TMEM53: variants seen among roughly 807,000 people sequenced by gnomAD.
TMEM53 encodes the protein novel DUF829 domain-containing protein.
Under a neutral mutation model 21.4 loss-of-function variants are expected in TMEM53, and 14 were observed. The observed-to-expected ratio is 0.65, with a 90% confidence interval of 0.43 to 1.02. The LOEUF is 1.02. TMEM53 is among the 50% of genes least tolerant of loss of function. The pLI is 0.00. For missense variants in TMEM53, 323 were observed against 383.6 expected (o/e 0.84, Z 1.32); for synonymous variants, 148 against 157.4 (o/e 0.94, Z 0.45).
At chr1:44,656,874 T>C (rs564762307) in intron 2 of TMEM53, among the ~76,000 whole-genome samples, 12 of 152,102 alleles carry the variant, frequency 7.9e-5, no homozygotes, top group Non-Finnish European at 1.3e-4. Flanking sequence ...TAGCCAGGCG[T>C]AGTGGCACAT....
At position 44,654,600 on chromosome 1, in the gene TMEM53, T is replaced by C; in HGVS notation, c.793A>G (p.Ser265Gly). Residue 265 changes from serine (S) to glycine (G), a missense_variant, in exon 3 of 3, where the codon AGC becomes GGC. By Grantham distance (56) the Ser-to-Gly change is moderately conservative. Coordinates refer to ENST00000372237, the MANE Select transcript of TMEM53 (RefSeq NM_024587.4). This position sits in a 1 kb window ranked among gnomAD's most constrained non-coding sequence, Gnocchi z 7.0. The part of the protein sequence containing the change: ...HLRDYPTYYT[S>G]LCVDFMRNCV... ...TTGCGCATGAAGTCGACACAGAGGC[T>C]TGTGTAGTAAGTAGGGTAGTCACGG... 1.2e-6 allele frequency: 2 copies of C among 1,612,732 alleles called. No individual in the cohort carries two copies. The highest frequency in any genetic ancestry group is 2.2e-5 in the East Asian group (1 of 44,830).
rs776237697 is a variant in TMEM53 at position 44,654,473 on chromosome 1, A to C, written c.*86T>G. On this transcript the variant is annotated 3_prime_UTR_variant, in exon 3 of 3. Transcript: ENST00000372237. The surrounding 1 kb of genome is among the most constrained non-coding windows in gnomAD (Gnocchi z 7.0). ...AGTCCCAAAGGGCTACAGGGAGTTG[A>C]ACGAGAAGAGTGCCCGACAGATTGC... is the stretch of plus-strand genomic sequence containing the variant. 5.4e-6 allele frequency: 8 copies of C among 1,493,772 alleles called. No individual in the cohort carries two copies. Among genetic ancestry groups the C allele is most frequent in the Non-Finnish European group, 7.3e-6 (8 of 1,102,232 alleles). 92.5% of individuals were successfully genotyped at this position (1,493,772 alleles called of 1,614,324 possible).
chr1:44,671,750 G>A (rs1282700003), intron 1 of TMEM53, among the ~76,000 whole-genome samples: 3 of 152,224 alleles, frequency 2.0e-5, no homozygotes, highest in African/African-American at 7.2e-5. Flanking sequence ...CCAATATGGT[G>A]AAACCTTGTC....
At chr1:44,673,852 C>G (rs1302798732) in intron 1 of TMEM53, 2 of 985,232 alleles carry the variant, frequency 2.0e-6, no homozygotes, top group Non-Finnish European at 2.4e-6. Context: ...TAACCACTGC[C>G]GAGAAGAGTG....
chr1:44,654,902 C>T lies in TMEM53; in HGVS notation c.491G>A (p.Arg164His), dbSNP rs1288659340. The T allele has an allele frequency of 7.4e-6, 12 of 1,612,504 alleles. No individual in the cohort carries two copies. Among genetic ancestry groups the T allele is most frequent in the African/African-American group, 6.7e-5 (5 of 75,038 alleles). The change falls in exon 3 of 3, where the codon CGC becomes CAC. Residue 164 changes from arginine (R) to histidine (H), a missense_variant. Physicochemically the swap from Arg to His is conservative, Grantham distance 29. This residue lies in a region of TMEM53 where 269 missense variants were observed against 334.5 expected (regional missense o/e 0.80). Coordinates refer to ENST00000372237, the MANE Select transcript of TMEM53 (RefSeq NM_024587.4). The surrounding 1 kb of genome is among the most constrained non-coding windows in gnomAD (Gnocchi z 7.0). The part of the protein sequence containing the change: ...ALRALAAILE[R>H]RAAMLRLLLL... ...CAACAGGCGCAGCATGGCGGCCCGG[C>T]GCTCCAGGATGGCTGCCAGGGCCCG...
intron 1 of TMEM53, among the ~76,000 whole-genome samples, chr1:44,670,803 T>C (rs7538419): frequency 0.55 from 83,764 of 152,152 alleles, 23,548 homozygotes; most frequent in Middle Eastern, 0.63. Context: ...GGCCCCAGAC[T>C]CATTAATTCT....
intron 1 of TMEM53, among the ~76,000 whole-genome samples, chr1:44,665,853 CAAACA>C (rs1644944612): frequency 6.6e-6 from 1 of 151,732 alleles, no homozygotes; most frequent in Non-Finnish European, 1.5e-5. Context: ...AAGGAACAAA[CAAACA>C]AAAGAGATAA....
chr1:44,654,369 T>G lies in TMEM53; in HGVS notation c.*190A>C. 3 of 634,886 alleles carry G rather than the reference T, an allele frequency of 4.7e-6. No individual in the cohort carries two copies. Among genetic ancestry groups the G allele is most frequent in the Admixed American group, 3.0e-5 (1 of 33,414 alleles). 39.3% of individuals were successfully genotyped at this position (634,886 alleles called of 1,614,324 possible). ...CCCAGGCACTCCTGCCCCTTAGGAT[T>G]CTGTGGTAAGCAGACCACCAGCAGA... On this transcript the variant is annotated 3_prime_UTR_variant, in exon 3 of 3. Coordinates refer to ENST00000372237, the MANE Select transcript of TMEM53 (RefSeq NM_024587.4). This position sits in a 1 kb window ranked among gnomAD's most constrained non-coding sequence, Gnocchi z 7.0.
intron 1 of TMEM53, among the ~76,000 whole-genome samples, chr1:44,667,273 C>T (rs562649268): frequency 6.6e-6 from 1 of 151,114 alleles, no homozygotes; most frequent in African/African-American, 2.4e-5. Context: ...ACAGAATACC[C>T]ATATACACAC....
rs1394264851 is a variant in TMEM53 at position 44,654,850 on chromosome 1, G to A, written c.543C>T (p.Val181=). The A allele has an allele frequency of 4.3e-6, 7 of 1,612,786 alleles. No individual in the cohort carries two copies. The highest frequency in any genetic ancestry group is 1.1e-5 in the South Asian group (1 of 91,072). The change falls in exon 3 of 3, where the codon GTC becomes GTT. Residue 181 remains valine, a synonymous_variant. Transcript: ENST00000372237. The surrounding 1 kb of genome is among the most constrained non-coding windows in gnomAD (Gnocchi z 7.0). The part of the protein sequence containing the change: ...LLLLVAFALV[V]VLFHVLLAPI... ...GAGCAAGCAGGACGTGGAACAGGAC[G>A]ACCACCAGGGCAAAGGCCACCAGCA...
At chr1:44,664,151 TAA>T (rs555498355) in intron 1 of TMEM53, among the ~76,000 whole-genome samples, 211 of 93,204 alleles carry the variant, frequency 2.3e-3, no homozygotes, top group South Asian at 0.014. Context: ...GACCTTATTA[TAA>T]AAAAAAAAAA....
At position 44,674,406 on chromosome 1, in the gene TMEM53, C is replaced by T. The variant is rs762367076; in HGVS notation, c.-15G>A. 8 of 1,607,492 alleles carry T rather than the reference C, an allele frequency of 5.0e-6. No homozygotes were observed. In the East Asian group the frequency reaches 9.0e-5, roughly 18 times the overall value. ...GCCGAGGCCATGGTGAAGGCGCCGGCCCAGAGCACGGGTCTCCAGCCGGAA... is the reference window on the plus strand; with the variant it reads ...GCCGAGGCCATGGTGAAGGCGCCGGTCCAGAGCACGGGTCTCCAGCCGGAA... On this transcript the variant is annotated 5_prime_UTR_variant, in exon 1 of 3. Transcript: ENST00000372237.
rs1644903434 is a variant in TMEM53 at position 44,661,631 on chromosome 1, C to T, written c.62-1336G>A. Among the ~76,000 whole-genome samples the T allele has an allele frequency of 2.0e-5, 3 of 152,106 alleles. No individual in the cohort carries two copies. The South Asian group carries it at 6.2e-4, about 32-fold the overall frequency. On this transcript the variant is annotated intron_variant, in intron 1 of 2. Transcript: ENST00000372237. ...TAGCCTATATTTATTGAGGTTTAAC[C>T]CTTATAACAATACTCTAAGGCAGGT... is the stretch of plus-strand genomic sequence containing the variant.
chr1:44,674,179 G>C, intron 1 of TMEM53, 152 bp downstream of exon 1: 3 of 1,340,412 alleles, frequency 2.2e-6, no homozygotes, highest in Non-Finnish European at 2.9e-6. Flanking sequence ...GGGGCTCTCT[G>C]AGCCTCTCTA....
intron 2 of TMEM53, among the ~76,000 whole-genome samples, chr1:44,657,815 A>G (rs2148529920): frequency 6.6e-6 from 1 of 152,308 alleles, no homozygotes; most frequent in Non-Finnish European, 1.5e-5. Context: ...TGCTGGGATT[A>G]CAGGCATGAG....
chr1:44,668,001 A>G (rs1229186354), intron 1 of TMEM53, among the ~76,000 whole-genome samples: 1 of 152,166 alleles, frequency 6.6e-6, no homozygotes, highest in Admixed American at 6.5e-5. Flanking sequence ...AAGCCATAAA[A>G]CTCAAGCATA....
intron 2 of TMEM53, among the ~76,000 whole-genome samples, chr1:44,658,556 CTTTG>C (rs1023628546): frequency 6.6e-5 from 10 of 152,104 alleles, no homozygotes; most frequent in South Asian, 2.1e-4. Flanking sequence ...CAGCAAGGAA[CTTTG>C]TTTATTTTGA....
chr1:44,671,102 T>G (rs1402383070), intron 1 of TMEM53, among the ~76,000 whole-genome samples: 1 of 152,162 alleles, frequency 6.6e-6, no homozygotes, highest in Non-Finnish European at 1.5e-5. Flanking sequence ...GAAAATATAG[T>G]GCTTATGGGA....
intron 1 of TMEM53, among the ~76,000 whole-genome samples, chr1:44,665,707 G>A (rs775755388): frequency 2.6e-5 from 4 of 151,500 alleles, no homozygotes; most frequent in Non-Finnish European, 4.4e-5. Flanking sequence ...GTTAAATCAT[G>A]GAGAAATATT....
Sources: allele counts gnomAD v4.1 joint callset (sites outside exome capture counted in the v4.1 genomes callset), GRCh38; gene constraint gnomAD v4.1.1; regional missense constraint gnomAD v4.1.1; non-coding constraint Gnocchi (gnomAD v3.1); transcripts MANE v1.5; gene names NCBI Gene and HGNC (gene_info 2026-07-23, HGNC 2026-07-21).